DLG2: variants seen among roughly 807,000 people sequenced by gnomAD.
DLG2 encodes disks large homolog 2.
In DLG2, 45 loss-of-function variants were observed where a neutral mutation model predicts 132.5. The ratio of observed to expected loss-of-function variants is 0.34; its 90% confidence interval spans 0.27 to 0.44. The LOEUF is 0.44. Ranked by LOEUF, DLG2 falls within the 20% of genes least tolerant of loss-of-function variation. The pLI, the probability that DLG2 is intolerant of heterozygous loss-of-function variation, is 1.00. For missense variants in DLG2, 1,045 were observed against 1,196.9 expected, an observed-to-expected ratio of 0.87 and a Z score of 1.87; for synonymous variants, 424 against 419.6, an observed-to-expected ratio of 1.01 and a Z score of -0.13.
intron 7 of DLG2, among the ~76,000 whole-genome samples, chr11:84,372,894 C>G (rs1402483947): frequency 6.6e-6 from 1 of 152,060 alleles, no homozygotes; most frequent in African/African-American, 2.4e-5. Flanking sequence ...GAGACATTCA[C>G]ATTAATTTAT....
chr11:85,219,201 C>T (rs2082840734), intron 4 of DLG2, among the ~76,000 whole-genome samples: 1 of 152,126 alleles, frequency 6.6e-6, no homozygotes, highest in South Asian at 2.1e-4. Flanking sequence ...CAAACCTGCA[C>T]ATGTACCCCC....
intron 18 of DLG2, among the ~76,000 whole-genome samples, chr11:83,708,683 G>C (rs1488374504): frequency 1.3e-5 from 2 of 152,028 alleles, no homozygotes; most frequent in South Asian, 2.1e-4. Flanking sequence ...TTTCCTTAAA[G>C]TACCTAATTA....
intron 4 of DLG2, among the ~76,000 whole-genome samples, chr11:85,175,781 C>T (rs550236922): frequency 3.3e-5 from 5 of 152,220 alleles, no homozygotes; most frequent in Non-Finnish European, 5.9e-5. Context: ...CATACAAAAT[C>T]AATACGCAAA....
At chr11:84,918,794 TTC>T (rs1040774620) in intron 6 of DLG2, among the ~76,000 whole-genome samples, 23 of 152,292 alleles carry the variant, frequency 1.5e-4, no homozygotes, top group African/African-American at 5.3e-4. Flanking sequence ...CTTCCTTTTT[TTC>T]TTTCTCTCAA....
intron 5 of DLG2, among the ~76,000 whole-genome samples, chr11:85,149,042 A>G (rs1380702587): frequency 6.6e-6 from 1 of 152,154 alleles, no homozygotes; most frequent in Non-Finnish European, 1.5e-5. Flanking sequence ...CTGGTTTGTT[A>G]AAGATCAGAT....
intron 6 of DLG2, among the ~76,000 whole-genome samples, chr11:84,604,257 T>C (rs1033231383): frequency 6.6e-6 from 1 of 151,892 alleles, no homozygotes; most frequent in Non-Finnish European, 1.5e-5. Context: ...AAGAGCTCAG[T>C]TAATTTTCCA....
intron 3 of DLG2, among the ~76,000 whole-genome samples, chr11:85,462,665 C>T (rs566496528): frequency 5.8e-4 from 86 of 149,210 alleles, no homozygotes; most frequent in Non-Finnish European, 9.5e-4. Context: ...GTGGGGGGAG[C>T]GGGGAGGGAT....
intron 11 of DLG2, among the ~76,000 whole-genome samples, chr11:84,053,789 A>G (rs1458407119): frequency 2.0e-5 from 3 of 151,976 alleles, no homozygotes; most frequent in Admixed American, 6.6e-5. Flanking sequence ...TATGAACATT[A>G]TAAGTGTTCA....
At chr11:85,516,837 C>A (rs1174055966) in intron 3 of DLG2, among the ~76,000 whole-genome samples, 1 of 151,582 alleles carries the variant, frequency 6.6e-6, no homozygotes, top group Non-Finnish European at 1.5e-5. Context: ...TGAATTCCAC[C>A]AAAAGTACAA....
chr11:84,717,625 G>T (rs2061371630), intron 6 of DLG2, among the ~76,000 whole-genome samples: 1 of 151,940 alleles, frequency 6.6e-6, no homozygotes, highest in African/African-American at 2.4e-5. Context: ...TACATAAACA[G>T]CATAGAGCAA....
At chr11:84,567,277 T>G (rs2099460688) in intron 6 of DLG2, among the ~76,000 whole-genome samples, 1 of 152,196 alleles carries the variant, frequency 6.6e-6, no homozygotes, top group South Asian at 2.1e-4. Context: ...AAAGGATTTC[T>G]TCTGTATATC....
intron 3 of DLG2, among the ~76,000 whole-genome samples, chr11:85,399,875 G>T (rs942232807): frequency 1.3e-5 from 2 of 152,030 alleles, no homozygotes; most frequent in African/African-American, 4.8e-5. Context: ...GCATGGGCAA[G>T]GACTTCATGT....
intron 7 of DLG2, among the ~76,000 whole-genome samples, chr11:84,423,397 T>C (rs2098956827): frequency 6.6e-6 from 1 of 152,200 alleles, no homozygotes; most frequent in African/African-American, 2.4e-5. Flanking sequence ...CTGGCACTTG[T>C]CTACTGTAAC....
rs2072158494 is a variant in DLG2, at chr11:84,783,271, T to C, written c.358-248540A>G. Among the ~76,000 whole-genome samples, 3 of 152,304 alleles carry C rather than the reference T, an allele frequency of 2.0e-5. No homozygotes were observed. In the South Asian group the frequency reaches 6.2e-4, roughly 32 times the overall value. On this transcript the variant is annotated intron_variant, in intron 6 of 27. Transcript: ENST00000376104. ...TTCATCCTGGGTAAAACACTTATCC[T>C]ATCACGGCCTTAGTTTTCTCAACAC...
At chr11:85,114,133 G>C (rs1025102851) in intron 5 of DLG2, among the ~76,000 whole-genome samples, 1 of 151,976 alleles carries the variant, frequency 6.6e-6, no homozygotes, top group Non-Finnish European at 1.5e-5. Flanking sequence ...GAGAAGGAAA[G>C]GGATTTAAAA....
At chr11:84,823,510 T>C (rs1310348746) in intron 6 of DLG2, among the ~76,000 whole-genome samples, 1 of 151,284 alleles carries the variant, frequency 6.6e-6, no homozygotes, top group African/African-American at 2.4e-5. Context: ...TTCCTGCAGA[T>C]CTTTACTCAA....
intron 7 of DLG2, among the ~76,000 whole-genome samples, chr11:84,370,749 C>T (rs1386091401): frequency 2.0e-5 from 3 of 152,038 alleles, no homozygotes; most frequent in African/African-American, 7.2e-5. Context: ...GTTATAGGTT[C>T]GTTATAGGCG....
At chr11:84,199,820 G>T (rs746374836) in intron 8 of DLG2, among the ~76,000 whole-genome samples, 1 of 151,936 alleles carries the variant, frequency 6.6e-6, no homozygotes, top group Non-Finnish European at 1.5e-5. Context: ...ATATCAAGTG[G>T]TCTAACATTC....
chr11:84,261,615 T>A (rs2154357784), intron 7 of DLG2, among the ~76,000 whole-genome samples: 1 of 152,332 alleles, frequency 6.6e-6, no homozygotes, highest in Admixed American at 6.5e-5. Flanking sequence ...TTATACATGT[T>A]GATAGCTAAT....
Sources: allele counts gnomAD v4.1 joint callset (sites outside exome capture counted in the v4.1 genomes callset), GRCh38; gene constraint gnomAD v4.1.1; transcripts MANE v1.5; gene names NCBI Gene and HGNC (gene_info 2026-07-23, HGNC 2026-07-21).